The following MFN1 variants were observed in gnomAD, a reference collection of about 807,000 sequenced individuals.
The protein encoded by MFN1 is mitofusin 1.
A neutral mutation model predicts 92.4 loss-of-function variants in MFN1; 65 were observed. The ratio of observed to expected loss-of-function variants is 0.70; its 90% confidence interval spans 0.58 to 0.86. The LOEUF (loss-of-function observed/expected upper bound fraction) is 0.86. Among genes scored for constraint, MFN1 ranks in the 40% least tolerant of loss-of-function variants. The pLI is 0.00. For synonymous variants in MFN1, 297 were observed against 300.9 expected (o/e 0.99, Z 0.13); for missense variants, 781 against 868.0 (o/e 0.90, Z 1.26).
chr3:179,392,606 T>C lies in MFN1; in HGVS notation c.*547T>C, dbSNP rs1479280331. The C allele has an allele frequency of 1.3e-5, 2 of 152,214 alleles. No homozygotes were observed. The highest frequency in any genetic ancestry group is 2.9e-5 in the Non-Finnish European group (2 of 68,030). 9.4% of individuals were successfully genotyped at this position (152,214 alleles called of 1,614,324 possible). ...AATGTGTTTTTACTTTTTATTCCCG[T>C]TAAAACTGATGTAAAACAGGATAAA... On this transcript the variant is annotated 3_prime_UTR_variant, in exon 18 of 18. Coordinates refer to ENST00000471841, the MANE Select transcript of MFN1 (RefSeq NM_033540.3).
Position 179,384,941 on chromosome 3 carries a change from T to TGTTGTCCAGACTGGAGTGCA in MFN1, c.1663-625_1663-606dup, listed in dbSNP as rs1713617108. Among the ~76,000 whole-genome samples the TGTTGTCCAGACTGGAGTGCA allele has an allele frequency of 4.8e-5, 7 of 145,358 alleles. No homozygotes were observed. The Admixed American group carries it at 4.9e-4, about 10-fold the overall frequency. ...TTTTTTTTGAGACTGAGTTTCACTCTGTTGTCCAGACTGGAGTGCAGTGGT... is the reference window on the plus strand; with the variant it reads ...TTTTTTTTGAGACTGAGTTTCACTCTGTTGTCCAGACTGGAGTGCAGTTGTCCAGACTGGAGTGCAGTGGT... On this transcript the variant is annotated intron_variant, in intron 14 of 17. Coordinates refer to ENST00000471841, the MANE Select transcript of MFN1 (RefSeq NM_033540.3).
intron 14 of MFN1, 105 bp downstream of exon 14, chr3:179,378,919 A>G (rs1470748999): frequency 2.4e-6 from 2 of 844,352 alleles, no homozygotes; most frequent in Non-Finnish European, 3.7e-6. Flanking sequence ...TTTAAAAGCT[A>G]GTATCTATCT....
In MFN1 at chr3:179,394,829, T is replaced by A. The variant is rs1303348395; in HGVS notation, c.*2770T>A. On this transcript the variant is annotated 3_prime_UTR_variant, in exon 18 of 18. Transcript: ENST00000471841. Reference sequence around the variant, plus strand: ...CAAAGTTATTGCACATACACTTGTTTACTTTGTATGTTTGCAGGATTAAAC... The same window carrying A: ...CAAAGTTATTGCACATACACTTGTTAACTTTGTATGTTTGCAGGATTAAAC... 6.6e-6 allele frequency: 1 copy of A among 152,222 alleles called. No individual in the cohort carries two copies. Among genetic ancestry groups the A allele is most frequent in the South Asian group, 2.1e-4 (1 of 4,834 alleles). 9.4% of individuals were successfully genotyped at this position (152,222 alleles called of 1,614,324 possible). A position where few individuals can be genotyped will look rare whatever the true frequency, so the allele number is the denominator to read the frequency against.
Position 179,380,669 on chromosome 3 carries a change from G to A in MFN1, c.1662+1855G>A, listed in dbSNP as rs181479788. Among the ~76,000 whole-genome samples the A allele has an allele frequency of 4.0e-4, 61 of 152,296 alleles. No individual in the cohort carries two copies. In the Middle Eastern group the frequency reaches 0.01, roughly 25 times the overall value. ...CAACCTTGTGACCAGGGTATTCTAC[G>A]ATCAATGAAGAGTAAATACAAAAAC... On this transcript the variant is annotated intron_variant, in intron 14 of 17. Coordinates refer to ENST00000471841, the MANE Select transcript of MFN1 (RefSeq NM_033540.3).
At position 179,382,947 on chromosome 3, in the gene MFN1, C is replaced by T. The variant is rs144054724; in HGVS notation, c.1663-2622C>T. Among the ~76,000 whole-genome samples, 856 of 152,134 alleles carry T rather than the reference C, an allele frequency of 5.6e-3. 6 individuals carry two copies. The highest frequency in any genetic ancestry group is 9.5e-3 in the Non-Finnish European group (647 of 68,000). ...TTTTTCTTGTAAATTTGTTTGAGTT[C>T]TCTGTAGATTCTCGATATTACCCCT... On this transcript the variant is annotated intron_variant, in intron 14 of 17. Transcript: ENST00000471841.
chr3:179,379,076 G>A (rs1420548430), intron 14 of MFN1, among the ~76,000 whole-genome samples: 1 of 152,114 alleles, frequency 6.6e-6, no homozygotes, highest in African/African-American at 2.4e-5. Context: ...TAGTAAAAAC[G>A]CAGGCACACA....
chr3:179,366,475 AT>A (rs1163490697), intron 7 of MFN1, among the ~76,000 whole-genome samples: 1 of 152,014 alleles, frequency 6.6e-6, no homozygotes, highest in Non-Finnish European at 1.5e-5. Flanking sequence ...TATTTATTTA[AT>A]TTGCTTGAGA....
In MFN1 at chr3:179,386,598, A is replaced by G; in HGVS notation, c.1981A>G (p.Thr661Ala). 6 of 1,613,246 alleles carry G rather than the reference A, an allele frequency of 3.7e-6. No homozygotes were observed. The highest frequency in any genetic ancestry group is 5.1e-6 in the Non-Finnish European group (6 of 1,179,752). Residue 661 changes from threonine (T) to alanine (A), a missense_variant, in exon 16 of 18, where the codon ACG becomes GCG. By Grantham distance (58) the Thr-to-Ala change is moderately conservative. Transcript: ENST00000471841. ...AAAACTGAGGATGATTGTTAGCTCC[A>G]CGAGTGCAAACTGCAGTCACCAAGT... is the stretch of plus-strand genomic sequence containing the variant. Reference protein sequence around the residue: ...TEKLRMIVSSTSANCSHQVKQ... With the variant: ...TEKLRMIVSSASANCSHQVKQ...
chr3:179,364,274 A>C, intron 5 of MFN1, 23 bp from the exon 6 acceptor site: 1 of 1,512,742 alleles, frequency 6.6e-7, no homozygotes, highest in Non-Finnish European at 8.9e-7. Context: ...AATATAATAC[A>C]ATTTTTATTT....
At chr3:179,356,183 GACCAGTC>G (rs886562251) in intron 3 of MFN1, among the ~76,000 whole-genome samples, 3 of 152,174 alleles carry the variant, frequency 2.0e-5, no homozygotes, top group African/African-American at 7.2e-5. Flanking sequence ...CTCAGAGGGT[GACCAGTC>G]ACCTGAAAGG....
At position 179,391,808 on chromosome 3, in the gene MFN1, A is replaced by G. The variant is rs183913255; in HGVS notation, c.2148-173A>G. On this transcript the variant is annotated intron_variant, in intron 17 of 17. Transcript: ENST00000471841. ...GTGCATTATTTAAAGGGAATTTGCA[A>G]GCATAATCATGACTCTAGGTAACTT... Among the ~76,000 whole-genome samples the G allele has an allele frequency of 1.1e-3, 163 of 152,314 alleles. 1 individual carries two copies. Among genetic ancestry groups the G allele is most frequent in the Non-Finnish European group, 5.4e-4 (37 of 68,004 alleles).
intron 1 of MFN1, 156 bp from the exon 2 acceptor site, chr3:179,348,689 G>C (rs1349367769): frequency 6.2e-6 from 7 of 1,120,754 alleles, no homozygotes; most frequent in Non-Finnish European, 8.3e-6. Context: ...GTCTCTAACT[G>C]TCTGACTAGA....
chr3:179,367,286 T>C (rs1237138669), intron 7 of MFN1, among the ~76,000 whole-genome samples, 153 bp from the exon 8 acceptor site: 1 of 152,276 alleles, frequency 6.6e-6, no homozygotes, highest in Non-Finnish European at 1.5e-5. Context: ...TGTCATCAAG[T>C]ATCAAACTTC....
intron 9 of MFN1, among the ~76,000 whole-genome samples, chr3:179,370,473 G>A (rs948427470): frequency 6.1e-5 from 9 of 146,602 alleles, no homozygotes; most frequent in African/African-American, 2.3e-4. Context: ...GTGCAGCGGC[G>A]CGATGTCAGC....
chr3:179,366,572 A>G (rs1423635583), intron 7 of MFN1, among the ~76,000 whole-genome samples: 2 of 152,202 alleles, frequency 1.3e-5, no homozygotes, highest in Non-Finnish European at 2.9e-5. Context: ...CACTGTTCAC[A>G]TGATAAAATT....
rs1470732890 is a variant in MFN1 at position 179,392,162 on chromosome 3, CTG to C, written c.*105_*106del. On this transcript the variant is annotated 3_prime_UTR_variant, in exon 18 of 18. Coordinates refer to ENST00000471841, the MANE Select transcript of MFN1 (RefSeq NM_033540.3). The stretch of plus-strand genomic sequence containing the variant: ...TTACTTTAAATATGAATTGTACTAA[CTG>C]TACCTAAATAGCAAAGCCCTGTGTA... 15 of 735,342 alleles carry C rather than the reference CTG, an allele frequency of 2.0e-5. No homozygotes were observed. The highest frequency in any genetic ancestry group is 7.6e-5 in the Admixed American group (3 of 39,312). 45.6% of individuals were successfully genotyped at this position (735,342 alleles called of 1,614,324 possible).
In MFN1 at chr3:179,393,585, G is replaced by A. The variant is rs1713987679; in HGVS notation, c.*1526G>A. ...TATATTTTTATGCAAATTGACACGAGTGCAGTATACTAATGCAAATTAATT... is the reference window on the plus strand; with the variant it reads ...TATATTTTTATGCAAATTGACACGAATGCAGTATACTAATGCAAATTAATT... On this transcript the variant is annotated 3_prime_UTR_variant, in exon 18 of 18. Coordinates refer to ENST00000471841, the MANE Select transcript of MFN1 (RefSeq NM_033540.3). 1 of 152,108 alleles carries A rather than the reference G, an allele frequency of 6.6e-6. No homozygotes were observed. Among genetic ancestry groups the A allele is most frequent in the Non-Finnish European group, 1.5e-5 (1 of 68,016 alleles). 9.4% of individuals were successfully genotyped at this position (152,108 alleles called of 1,614,324 possible).
chr3:179,351,866 A>G (rs1712159706), intron 2 of MFN1, 34 bp from the exon 3 acceptor site: 5 of 1,574,306 alleles, frequency 3.2e-6, no homozygotes, highest in Non-Finnish European at 4.3e-6. Context: ...ATATTCATTT[A>G]TATCACTTTT....
rs950249367 is a variant in MFN1 at position 179,370,226 on chromosome 3, CTT to C, written c.975+2124_975+2125del. On this transcript the variant is annotated intron_variant, in intron 9 of 17. Coordinates refer to ENST00000471841, the MANE Select transcript of MFN1 (RefSeq NM_033540.3). ...GCATAAAATTGTTTGTTTTGAATCTCTTGTTTCTCACTTCTATATTTAAATAT... is the reference window on the plus strand; with the variant it reads ...GCATAAAATTGTTTGTTTTGAATCTCGTTTCTCACTTCTATATTTAAATAT... Among the ~76,000 whole-genome samples, 6 of 151,880 alleles carry C rather than the reference CTT, an allele frequency of 4.0e-5. No individual in the cohort carries two copies. The Middle Eastern group carries it at 0.017, about 430-fold the overall frequency.
Sources: gnomAD v4.1 joint callset for allele counts (sites outside exome capture counted in the v4.1 genomes callset) on GRCh38, gnomAD v4.1.1 for gene constraint, MANE v1.5 for transcripts, NCBI Gene and HGNC (gene_info 2026-07-23, HGNC 2026-07-21) for gene names.